NAV2: variants seen among roughly 807,000 people sequenced by gnomAD.
The protein encoded by NAV2 is helicase, APC down-regulated 1.
NAV2 carries 54 observed loss-of-function variants against 223.2 expected under a neutral mutation model. The ratio of observed to expected loss-of-function variants is 0.24; its 90% CI spans 0.19 to 0.30. The LOEUF (loss-of-function observed/expected upper bound fraction) is 0.30. NAV2 is among the 10% of genes least tolerant of loss of function. NAV2 has a pLI of 1.00. For missense variants in NAV2, 2,806 were observed against 3,147.5 expected (o/e 0.89, Z 2.60); for synonymous variants, 1,279 against 1,239.3 (o/e 1.03, Z -0.67).
At chr11:20,014,566 G>T (rs988860111) in intron 11 of NAV2, among the ~76,000 whole-genome samples, 5 of 152,096 alleles carry the variant, frequency 3.3e-5, no homozygotes, top group African/African-American at 1.2e-4. Flanking sequence ...ACCCACCTGG[G>T]CAACAAAGCA....
Position 19,829,729 on chromosome 11 carries a change from A to G in NAV2, c.268-2755A>G, listed in dbSNP as rs151146337. 5.3e-3 allele frequency among the ~76,000 whole-genome samples: 806 copies of G among 152,202 alleles called. 3 individuals carry two copies. Among genetic ancestry groups the G allele is most frequent in the African/African-American group, 0.016 (674 of 41,532 alleles). ...CGCCTCTTTATTACCCTTCTCCCCAATTGCCTTCACTTCCTGAGCCCCAGC... is the reference window on the plus strand; with the variant it reads ...CGCCTCTTTATTACCCTTCTCCCCAGTTGCCTTCACTTCCTGAGCCCCAGC... On this transcript the variant is annotated intron_variant, in intron 1 of 37. Transcript: ENST00000349880.
chr11:19,431,012 T>C (rs1331676708), intron 1 of NAV2, among the ~76,000 whole-genome samples: 3 of 152,234 alleles, frequency 2.0e-5, no homozygotes, highest in African/African-American at 7.2e-5. Context: ...AAAAACTCCC[T>C]TCATGGCCTG....
chr11:19,739,411 C>A (rs79271968), intron 1 of NAV2, among the ~76,000 whole-genome samples: 5,737 of 152,238 alleles, frequency 0.038, 164 homozygotes, highest in Middle Eastern at 0.069. Context: ...CAAGGTCACA[C>A]AGGAAATGAC....
At chr11:19,684,161 A>G (rs1008046838) in intron 1 of NAV2, among the ~76,000 whole-genome samples, 1 of 152,156 alleles carries the variant, frequency 6.6e-6, no homozygotes, top group Non-Finnish European at 1.5e-5. Flanking sequence ...TTCAAAGGGT[A>G]TTGTGTTGGA....
intron 1 of NAV2, among the ~76,000 whole-genome samples, chr11:19,701,953 T>C (rs980762432): frequency 2.0e-5 from 3 of 152,208 alleles, no homozygotes; most frequent in Non-Finnish European, 4.4e-5. Flanking sequence ...TTTTAGACCA[T>C]CCTTGAGCTC....
At chr11:20,074,552 T>A (rs1789698251) in intron 22 of NAV2, among the ~76,000 whole-genome samples, 1 of 152,084 alleles carries the variant, frequency 6.6e-6, no homozygotes, top group Non-Finnish European at 1.5e-5. Flanking sequence ...CTCCCACTGT[T>A]ATTGTGTGGG....
intron 1 of NAV2, among the ~76,000 whole-genome samples, chr11:19,699,352 T>A (rs1229331557): frequency 6.6e-6 from 1 of 152,248 alleles, no homozygotes; most frequent in Non-Finnish European, 1.5e-5. Flanking sequence ...CCCTGGTGCA[T>A]AACTGTTTAG....
At chr11:19,832,459 A>AG in intron 1 of NAV2, 25 bp from the exon 2 acceptor site, 1 of 1,552,102 alleles carries the variant, frequency 6.4e-7, no homozygotes, top group Non-Finnish European at 8.7e-7. Context: ...GGCTTCCTAA[A>AG]GTTGCCTGTT....
chr11:20,005,804 G>T (rs1215780981), intron 11 of NAV2, among the ~76,000 whole-genome samples: 1 of 152,206 alleles, frequency 6.6e-6, no homozygotes, highest in Non-Finnish European at 1.5e-5. Flanking sequence ...CTTGCCTGAG[G>T]TCGGACAGCT....
chr11:19,603,456 TCTCTACTAAA>T (rs890003273), intron 1 of NAV2, among the ~76,000 whole-genome samples: 3 of 151,624 alleles, frequency 2.0e-5, no homozygotes, highest in African/African-American at 7.3e-5. Flanking sequence ...TGAAATGCCA[TCTCTACTAAA>T]CTTACAAAAA....
At chr11:19,482,622 A>C (rs533705961) in intron 1 of NAV2, among the ~76,000 whole-genome samples, 1 of 152,220 alleles carries the variant, frequency 6.6e-6, no homozygotes, top group African/African-American at 2.4e-5. Context: ...CGCCCTCCCC[A>C]ATAGTCTTTG....
At chr11:19,609,972 A>G (rs556286825) in intron 1 of NAV2, among the ~76,000 whole-genome samples, 1 of 152,334 alleles carries the variant, frequency 6.6e-6, no homozygotes, top group Admixed American at 6.5e-5. Context: ...TTTGCAGGCT[A>G]GGAACAAGTA....
chr11:19,638,793 G>A (rs150651886), intron 1 of NAV2, among the ~76,000 whole-genome samples: 18 of 152,196 alleles, frequency 1.2e-4, no homozygotes, highest in Admixed American at 1.2e-3. Flanking sequence ...AGGAGTTCGA[G>A]ACCAGCCTGA....
chr11:19,777,243 G>C (rs1202491351), intron 1 of NAV2, among the ~76,000 whole-genome samples: 1 of 151,532 alleles, frequency 6.6e-6, no homozygotes, highest in Non-Finnish European at 1.5e-5. Flanking sequence ...GAGCTGGGCA[G>C]CGCGGGCGCC....
At chr11:19,956,394 A>ACACT in intron 10 of NAV2, among the ~76,000 whole-genome samples, 1 of 147,710 alleles carries the variant, frequency 6.8e-6, no homozygotes, top group South Asian at 2.2e-4. Context: ...ACACACACAC[A>ACACT]CGCTCTCTCT....
At chr11:20,087,866 T>A (rs1022402859) in intron 26 of NAV2, among the ~76,000 whole-genome samples, 1 of 152,106 alleles carries the variant, frequency 6.6e-6, no homozygotes, top group Non-Finnish European at 1.5e-5. Context: ...TTACAGTACC[T>A]CTTCATGGAG....
At chr11:20,015,060 C>CACT (rs1349846740) in intron 11 of NAV2, among the ~76,000 whole-genome samples, 1 of 152,188 alleles carries the variant, frequency 6.6e-6, no homozygotes, top group East Asian at 1.9e-4. Context: ...TGTGTCACTG[C>CACT]ACTCCTGCTG....
At chr11:20,092,985 C>CCCCCCCCCCT in intron 28 of NAV2, 114 bp from the exon 29 acceptor site, 1 of 363,266 alleles carries the variant, frequency 2.8e-6, no homozygotes, top group South Asian at 3.0e-5. Flanking sequence ...CCCCCCACCC[C>CCCCCCCCCCT]CTGCACCCTG....
chr11:19,896,436 G>A (rs958690099), intron 6 of NAV2, among the ~76,000 whole-genome samples: 3 of 152,100 alleles, frequency 2.0e-5, no homozygotes, highest in African/African-American at 4.8e-5. Flanking sequence ...GTCTTTTTGT[G>A]TATGGGACAG....
Sources: gnomAD v4.1 joint callset for allele counts (sites outside exome capture counted in the v4.1 genomes callset) on GRCh38, gnomAD v4.1.1 for gene constraint, MANE v1.5 for transcripts, NCBI Gene and HGNC (gene_info 2026-07-23, HGNC 2026-07-21) for gene names.